Variants in CCDC50 observed in about 807,000 individuals in gnomAD.
CCDC50 encodes the protein coiled-coil domain containing 50.
In CCDC50, 54 loss-of-function variants were observed where a neutral mutation model predicts 70.2. The observed-to-expected ratio is 0.77, with a 90% CI of 0.62 to 0.96. The LOEUF is 0.96. Ranked by LOEUF, CCDC50 falls within the 50% of genes least tolerant of loss-of-function variation. The pLI, the probability that CCDC50 is intolerant of heterozygous loss-of-function variation, is 0.00. For missense variants in CCDC50, 558 were observed against 578.7 expected (o/e 0.96, Z 0.37); for synonymous variants, 216 against 198.8 (o/e 1.09, Z -0.73).
At position 191,396,882 on chromosome 3, in the gene CCDC50, TTATATA is replaced by T. The variant is rs1171950304; in HGVS notation, c.*5127_*5132del. On this transcript the variant is annotated 3_prime_UTR_variant, in exon 12 of 12. Coordinates refer to ENST00000392455, the MANE Select transcript of CCDC50 (RefSeq NM_178335.3). ...GGCCCTAAAAACCATTCTCTTTCCCTTATATATATAAATATGTGAACACTGCCTAGT... is the reference window on the plus strand; with the variant it reads ...GGCCCTAAAAACCATTCTCTTTCCCTTATAAATATGTGAACACTGCCTAGT... 6.6e-6 allele frequency: 1 copy of T among 152,218 alleles called. No individual in the cohort carries two copies. Among genetic ancestry groups the T allele is most frequent in the Non-Finnish European group, 1.5e-5 (1 of 68,010 alleles). 9.4% of individuals were successfully genotyped at this position (152,218 alleles called of 1,614,324 possible). A position where few individuals can be genotyped will look rare whatever the true frequency, so the allele number is the denominator to read the frequency against.
At chr3:191,366,420 A>G (rs1712691350) in intron 4 of CCDC50, among the ~76,000 whole-genome samples, 1 of 152,124 alleles carries the variant, frequency 6.6e-6, no homozygotes, top group African/African-American at 2.4e-5. Context: ...GGTGAGATAC[A>G]ATGGTAAACT....
At chr3:191,374,292 A>T (rs1713012248) in intron 5 of CCDC50, among the ~76,000 whole-genome samples, 1 of 152,180 alleles carries the variant, frequency 6.6e-6, no homozygotes, top group African/African-American at 2.4e-5. Flanking sequence ...CAAAGAATAC[A>T]ATATCATACA....
At chr3:191,390,178 T>G (rs1486039025) in intron 11 of CCDC50, among the ~76,000 whole-genome samples, 3 of 152,126 alleles carry the variant, frequency 2.0e-5, no homozygotes, top group African/African-American at 7.2e-5. Flanking sequence ...AAGGTGGTGG[T>G]GACCTCCATT....
In CCDC50 at chr3:191,392,623, G is replaced by C. The variant is rs567272582; in HGVS notation, c.*863G>C. ...TTTTCTCTTGCTTCAAGTCAGAGCAGTATTTGTTGATAACCTCTCAATAAT... is the reference window on the plus strand; with the variant it reads ...TTTTCTCTTGCTTCAAGTCAGAGCACTATTTGTTGATAACCTCTCAATAAT... On this transcript the variant is annotated 3_prime_UTR_variant, in exon 12 of 12. Coordinates refer to ENST00000392455, the MANE Select transcript of CCDC50 (RefSeq NM_178335.3). 2 of 152,348 alleles carry C rather than the reference G, an allele frequency of 1.3e-5. No individual in the cohort carries two copies. The highest frequency in any genetic ancestry group is 4.8e-5 in the African/African-American group (2 of 41,582). 9.4% of individuals were successfully genotyped at this position (152,348 alleles called of 1,614,324 possible).
chr3:191,378,993 T>TA (rs1165572412), intron 6 of CCDC50, among the ~76,000 whole-genome samples: 1 of 152,138 alleles, frequency 6.6e-6, no homozygotes, highest in Non-Finnish European at 1.5e-5. Flanking sequence ...ACAAAATACT[T>TA]ACATTCTCAT....
In CCDC50 at chr3:191,349,320, G is replaced by A. The variant is rs1000043072; in HGVS notation, c.50-7768G>A. Among the ~76,000 whole-genome samples, 4 of 142,098 alleles carry A rather than the reference G, an allele frequency of 2.8e-5. 1 individual carries two copies. The highest frequency in any genetic ancestry group is 1.0e-4 in the African/African-American group (4 of 39,824). The allele number at this position is 142,098 out of a possible 152,430, so 93.2% of individuals were successfully genotyped here. ...ATTAGGGAGACATTTCTTTTGTAGGGTAGCGTAAAAGTTTTACAAAATACG... is the reference window on the plus strand; with the variant it reads ...ATTAGGGAGACATTTCTTTTGTAGGATAGCGTAAAAGTTTTACAAAATACG... On this transcript the variant is annotated intron_variant, in intron 1 of 11. Transcript: ENST00000392455.
chr3:191,375,561 T>A lies in CCDC50; in HGVS notation c.948T>A (p.Ser316Arg), dbSNP rs1419323181. The A allele has an allele frequency of 4.3e-6, 7 of 1,612,430 alleles. No homozygotes were observed. In the African/African-American group the frequency reaches 8.0e-5, roughly 19 times the overall value. ...CCAGGACTCCTCCATTCTCAGAGAG[T>A]GAGGAGCAGCTCCACCTCCATGACG... The part of the protein sequence containing the change: ...HRPRTPPFSE[S>R]EEQLHLHDAG... The change falls in exon 6 of 12, where the codon AGT becomes AGA. Residue 316 changes from serine (S) to arginine (R), a missense_variant. Ser to Arg is a moderately radical substitution (Grantham distance 110, BLOSUM62 -1). Transcript: ENST00000392455.
At position 191,375,827 on chromosome 3, in the gene CCDC50, T is replaced by G. The variant is rs188007843; in HGVS notation, c.976+238T>G. On this transcript the variant is annotated intron_variant, in intron 6 of 11. Coordinates refer to ENST00000392455, the MANE Select transcript of CCDC50 (RefSeq NM_178335.3). ...AATGCACTGATTTCTTGGAGAGTTA[T>G]TCCATGCCCAGGTTGTATTAGAGGT... 7.9e-5 allele frequency among the ~76,000 whole-genome samples: 12 copies of G among 152,296 alleles called. No individual in the cohort carries two copies. The East Asian group carries it at 2.3e-3, about 29-fold the overall frequency.
chr3:191,350,702 T>C (rs1274213585), intron 1 of CCDC50, among the ~76,000 whole-genome samples: 6 of 141,654 alleles, frequency 4.2e-5, no homozygotes, highest in African/African-American at 7.5e-5. Flanking sequence ...CTGGCTTTGG[T>C]TGAAATGGGG....
intron 1 of CCDC50, among the ~76,000 whole-genome samples, chr3:191,353,944 C>A (rs944941186): frequency 6.6e-6 from 1 of 151,994 alleles, no homozygotes. Flanking sequence ...GGACAAATTG[C>A]AATAATAGAA....
chr3:191,398,509 AATTATT>A lies in CCDC50; in HGVS notation c.*6756_*6761del, dbSNP rs1282473018. ...GGGAAACTTACGAGAGTCTTATTAT[AATTATT>A]ATTATTTACAAAATGACCCTAATAG... is the stretch of plus-strand genomic sequence containing the variant. On this transcript the variant is annotated 3_prime_UTR_variant, in exon 12 of 12. Transcript: ENST00000392455. 6.6e-6 allele frequency: 1 copy of A among 152,104 alleles called. No individual in the cohort carries two copies. The highest frequency in any genetic ancestry group is 1.9e-4 in the East Asian group (1 of 5,194). 9.4% of individuals were successfully genotyped at this position (152,104 alleles called of 1,614,324 possible).
rs183239365 is a variant in CCDC50, at chr3:191,352,373, T to G, written c.50-4715T>G. Among the ~76,000 whole-genome samples the G allele has an allele frequency of 3.9e-3, 554 of 141,986 alleles. 104 individuals are homozygous for G. The highest frequency in any genetic ancestry group is 4.2e-3 in the Non-Finnish European group (262 of 62,928). 93.1% of individuals were successfully genotyped at this position (141,986 alleles called of 152,430 possible). On this transcript the variant is annotated intron_variant, in intron 1 of 11. Transcript: ENST00000392455. ...ATGGGGGGTATATATATGTATGTAT[T>G]TATGTATGTCAGCCAGTCCTCCTTT...
rs545653104 is a variant in CCDC50 at position 191,362,736 on chromosome 3, G to T, written c.330+1577G>T. Among the ~76,000 whole-genome samples, 10 of 152,272 alleles carry T rather than the reference G, an allele frequency of 6.6e-5. No individual in the cohort carries two copies. The East Asian group carries it at 1.7e-3, about 26-fold the overall frequency. On this transcript the variant is annotated intron_variant, in intron 4 of 11. Coordinates refer to ENST00000392455, the MANE Select transcript of CCDC50 (RefSeq NM_178335.3). ...GCCTACATACACTGCTACTCCTACTGAGCCACTCTTGTTCCTGTAAGACTT... is the reference window on the plus strand; with the variant it reads ...GCCTACATACACTGCTACTCCTACTTAGCCACTCTTGTTCCTGTAAGACTT...
At chr3:191,354,199 T>G (rs986194388) in intron 1 of CCDC50, among the ~76,000 whole-genome samples, 7 of 152,164 alleles carry the variant, frequency 4.6e-5, no homozygotes, top group African/African-American at 1.4e-4. Context: ...ACCACCCACA[T>G]CAAATGTTAA....
chr3:191,344,784 G>T (rs960164699), intron 1 of CCDC50, among the ~76,000 whole-genome samples: 2 of 152,144 alleles, frequency 1.3e-5, no homozygotes, highest in African/African-American at 4.8e-5. Flanking sequence ...TCACTCTGTT[G>T]CCCAGGCTGG....
chr3:191,372,461 C>T (rs1261418295), intron 5 of CCDC50, among the ~76,000 whole-genome samples: 1 of 152,146 alleles, frequency 6.6e-6, no homozygotes, highest in Non-Finnish European at 1.5e-5. Context: ...TAGTTCAGCT[C>T]ATATTTACAA....
intron 3 of CCDC50, among the ~76,000 whole-genome samples, chr3:191,358,620 A>G (rs1358257670): frequency 6.6e-6 from 1 of 151,978 alleles, no homozygotes; most frequent in South Asian, 2.1e-4. Context: ...AGTTTTTTTC[A>G]TAACTTCAGT....
chr3:191,380,866 T>C lies in CCDC50; in HGVS notation c.1176T>C (p.Ala392=). The change falls in exon 9 of 12, where the codon GCT becomes GCC. Residue 392 remains alanine (A), a synonymous_variant. Coordinates refer to ENST00000392455, the MANE Select transcript of CCDC50 (RefSeq NM_178335.3). ...ARLLMAEEKK[A]YKKAKEREKS... Reference sequence around the variant, plus strand: ...TTCTAATGGCTGAAGAAAAGAAAGCTTACAAAAAAGCCAAGGAGCGGGAGA... The same window carrying C: ...TTCTAATGGCTGAAGAAAAGAAAGCCTACAAAAAAGCCAAGGAGCGGGAGA... The C allele has an allele frequency of 6.2e-7, 1 of 1,612,890 alleles. No individual in the cohort carries two copies. Among genetic ancestry groups the C allele is most frequent in the Non-Finnish European group, 8.5e-7 (1 of 1,179,264 alleles).
At chr3:191,329,744 G>C in intron 1 of CCDC50, 21 bp downstream of exon 1, 1 of 1,603,130 alleles carries the variant, frequency 6.2e-7, no homozygotes, top group Non-Finnish European at 8.5e-7. Context: ...CGGAGGGAGA[G>C]CGCGCGGGAC....
Sources: gnomAD v4.1 joint callset for allele counts (sites outside exome capture counted in the v4.1 genomes callset) on GRCh38, gnomAD v4.1.1 for gene constraint, MANE v1.5 for transcripts, NCBI Gene and HGNC (gene_info 2026-07-23, HGNC 2026-07-21) for gene names.